The following GTF2E1 variants were observed in gnomAD, a reference collection of about 807,000 sequenced individuals.
GTF2E1 encodes the protein TFIIE alpha subunit.
In GTF2E1, 14 loss-of-function variants were observed where a neutral mutation model predicts 34.9. The ratio of observed to expected loss-of-function variants is 0.40; its 90% confidence interval spans 0.27 to 0.63. GTF2E1 has a LOEUF of 0.63. Ranked by LOEUF, GTF2E1 falls within the 20% of genes least tolerant of loss-of-function variation. The pLI, the probability that GTF2E1 is intolerant of heterozygous loss-of-function variation, is 0.39. For synonymous variants in GTF2E1, 188 were observed against 192.9 expected (o/e 0.97, Z 0.21); for missense variants, 469 against 557.7 (o/e 0.84, Z 1.60).
intron 3 of GTF2E1, among the ~76,000 whole-genome samples, chr3:120,773,108 C>G (rs1228053523): frequency 2.0e-5 from 3 of 152,072 alleles, no homozygotes; most frequent in African/African-American, 7.2e-5. Flanking sequence ...GTTCCTAGAG[C>G]TGCCAGCCAG....
At chr3:120,777,352 T>C (rs1385865203) in intron 4 of GTF2E1, among the ~76,000 whole-genome samples, 2 of 152,190 alleles carry the variant, frequency 1.3e-5, no homozygotes, top group Non-Finnish European at 2.9e-5. Context: ...TGACGATGAC[T>C]CAAGCTGGAA....
intron 2 of GTF2E1, among the ~76,000 whole-genome samples, chr3:120,769,657 G>C (rs372136870): frequency 3.9e-5 from 6 of 152,164 alleles, no homozygotes; most frequent in African/African-American, 1.4e-4. Context: ...GCTTTTGTCT[G>C]TTCTCAGACG....
At chr3:120,745,979 C>A (rs1709101494) in intron 1 of GTF2E1, among the ~76,000 whole-genome samples, 2 of 152,088 alleles carry the variant, frequency 1.3e-5, no homozygotes, top group African/African-American at 2.4e-5. Context: ...AATATGTAGT[C>A]ATACCTGAGT....
chr3:120,771,729 T>C (rs1207918444), intron 3 of GTF2E1, among the ~76,000 whole-genome samples: 1 of 152,208 alleles, frequency 6.6e-6, no homozygotes, highest in African/African-American at 2.4e-5. Flanking sequence ...GAATAGCCAG[T>C]CCTGAGTAAA....
intron 4 of GTF2E1, among the ~76,000 whole-genome samples, chr3:120,780,669 TC>T (rs1709438900): frequency 6.6e-6 from 1 of 152,216 alleles, no homozygotes; most frequent in Non-Finnish European, 1.5e-5. Flanking sequence ...TCTAGTCGAT[TC>T]TTCATAGACA....
rs1283384499 is a variant in GTF2E1, at chr3:120,781,151, C to G, written c.1001C>G (p.Ser334Cys). The G allele has an allele frequency of 4.3e-6, 7 of 1,614,162 alleles. No individual in the cohort carries two copies. In the South Asian group the frequency reaches 6.6e-5, roughly 15 times the overall value. ...CTCATTCACGAGAAAAAGACTTCCT[C>G]TGCCATGGCTGGTTCAGTGGGGGCA... ...ALLIHEKKTS[S>C]AMAGSVGAAA... Residue 334 changes from serine to cysteine, a missense_variant, in exon 5 of 5, where the codon TCT becomes TGT. Physicochemically the swap from Ser to Cys is moderately radical, Grantham distance 112 (BLOSUM62 -1). Coordinates refer to ENST00000283875, the MANE Select transcript of GTF2E1 (RefSeq NM_005513.3).
intron 2 of GTF2E1, among the ~76,000 whole-genome samples, chr3:120,755,559 A>G (rs982968933): frequency 1.3e-5 from 2 of 152,166 alleles, no homozygotes; most frequent in African/African-American, 4.8e-5. Context: ...ACAGGCATGC[A>G]ATGTGTAATA....
At chr3:120,750,019 A>G (rs539069779) in intron 1 of GTF2E1, 7 of 152,658 alleles carry the variant, frequency 4.6e-5, no homozygotes, top group South Asian at 2.1e-4. Context: ...GATTTTGTCA[A>G]ACACCCCAGG....
At chr3:120,755,331 A>T (rs908642227) in intron 2 of GTF2E1, among the ~76,000 whole-genome samples, 1 of 152,120 alleles carries the variant, frequency 6.6e-6, no homozygotes, top group African/African-American at 2.4e-5. Flanking sequence ...ATTCATTGAG[A>T]TTCCTTTTCT....
chr3:120,765,886 C>T (rs1709303467), intron 2 of GTF2E1, among the ~76,000 whole-genome samples: 1 of 152,156 alleles, frequency 6.6e-6, no homozygotes, highest in Admixed American at 6.5e-5. Context: ...TTCATTTTCT[C>T]TCTGTTGCCA....
At chr3:120,779,203 CTTAA>C (rs1383360898) in intron 4 of GTF2E1, among the ~76,000 whole-genome samples, 24 of 152,264 alleles carry the variant, frequency 1.6e-4, no homozygotes, top group African/African-American at 5.5e-4. Context: ...TTACGTGTGA[CTTAA>C]TTTAGTTTAC....
intron 4 of GTF2E1, among the ~76,000 whole-genome samples, chr3:120,779,751 C>T (rs536843031): frequency 6.6e-6 from 1 of 152,182 alleles, no homozygotes; most frequent in Non-Finnish European, 1.5e-5. Context: ...TTAATCCCCA[C>T]AGTAATCTAG....
At position 120,779,336 on chromosome 3, in the gene GTF2E1, T is replaced by C. The variant is rs1709427827; in HGVS notation, c.893-1707T>C. On this transcript the variant is annotated intron_variant, in intron 4 of 4. Transcript: ENST00000283875. The stretch of plus-strand genomic sequence containing the variant: ...GCAATTATTGTCTTAAAGGCTTGCA[T>C]GCATTCCTTACCTTCTTTTCTTTCT... Among the ~76,000 whole-genome samples, 4 of 152,372 alleles carry C rather than the reference T, an allele frequency of 2.6e-5. No individual in the cohort carries two copies. The South Asian group carries it at 8.3e-4, about 32-fold the overall frequency.
At chr3:120,772,181 A>G (rs1470560752) in intron 3 of GTF2E1, among the ~76,000 whole-genome samples, 1 of 152,138 alleles carries the variant, frequency 6.6e-6, no homozygotes, top group Non-Finnish European at 1.5e-5. Context: ...AAACTGAAGA[A>G]AGGTTTCCCA....
At chr3:120,755,131 C>T (rs904362798) in intron 2 of GTF2E1, among the ~76,000 whole-genome samples, 4 of 152,024 alleles carry the variant, frequency 2.6e-5, no homozygotes, top group East Asian at 1.9e-4. Flanking sequence ...ATAAATAACT[C>T]GTAAAAATAG....
At chr3:120,761,776 T>G (rs552166029) in intron 2 of GTF2E1, among the ~76,000 whole-genome samples, 12 of 151,126 alleles carry the variant, frequency 7.9e-5, no homozygotes, top group Admixed American at 2.0e-4. Context: ...TACACTGTGG[T>G]CTGAGAGACA....
intron 2 of GTF2E1, among the ~76,000 whole-genome samples, chr3:120,762,493 C>A (rs911369290): frequency 6.6e-6 from 1 of 152,032 alleles, no homozygotes; most frequent in Non-Finnish European, 1.5e-5. Flanking sequence ...TCTTTTGATG[C>A]AAAGTGATTC....
At chr3:120,774,633 CAAA>C (rs5852253) in intron 3 of GTF2E1, among the ~76,000 whole-genome samples, 3,045 of 139,690 alleles carry the variant, frequency 0.022, 48 homozygotes, top group African/African-American at 0.043. Flanking sequence ...CAGAATATAG[CAAA>C]AAAAAAAAAA....
At chr3:120,760,184 C>T (rs1226414498) in intron 2 of GTF2E1, among the ~76,000 whole-genome samples, 9 of 152,120 alleles carry the variant, frequency 5.9e-5, no homozygotes, top group African/African-American at 2.2e-4. Context: ...ATTTTATTCT[C>T]TATGTGGCAA....
Sources: allele counts gnomAD v4.1 joint callset (sites outside exome capture counted in the v4.1 genomes callset), GRCh38; gene constraint gnomAD v4.1.1; transcripts MANE v1.5; gene names NCBI Gene and HGNC (gene_info 2026-07-23, HGNC 2026-07-21).